The following PSMD11 variants were observed in gnomAD, a reference collection of about 807,000 sequenced individuals.
PSMD11 encodes proteasome 26S subunit, non-ATPase 11.
In PSMD11, 5 loss-of-function variants were observed where a neutral mutation model predicts 62.3. The ratio of observed to expected loss-of-function variants is 0.08; its 90% CI spans 0.04 to 0.17. The LOEUF is 0.17. Ranked by LOEUF, PSMD11 falls within the 10% of genes least tolerant of loss-of-function variation. The probability of loss-of-function intolerance (pLI) is 1.00; values close to 1 mark genes in which losing one functional copy is unlikely to be tolerated. For synonymous variants in PSMD11, 191 were observed against 191.8 expected, an observed-to-expected ratio of 1.00 and a Z score of 0.03; for missense variants, 310 against 512.9, an observed-to-expected ratio of 0.60 and a Z score of 3.82.
chr17:32,471,617 C>G (rs920735136), intron 6 of PSMD11, among the ~76,000 whole-genome samples: 2 of 152,192 alleles, frequency 1.3e-5, no homozygotes, highest in Non-Finnish European at 1.5e-5. Context: ...GGTCAACTCC[C>G]TGACCTGTGA....
chr17:32,453,819 G>GA (rs1341469166), intron 2 of PSMD11, among the ~76,000 whole-genome samples: 3 of 152,164 alleles, frequency 2.0e-5, no homozygotes, highest in African/African-American at 4.8e-5. Flanking sequence ...TATAGTGGGG[G>GA]AAAAGCTCTG....
rs1907360239 is a variant in PSMD11, at chr17:32,447,323, T to C, written c.193+277T>C. The C allele has an allele frequency of 2.7e-5, 8 of 291,554 alleles. No homozygotes were observed. The South Asian group carries it at 4.0e-4, about 15-fold the overall frequency. 18.1% of individuals were successfully genotyped at this position (291,554 alleles called of 1,614,324 possible). A position where few individuals can be genotyped will look rare whatever the true frequency, so the allele number is the denominator to read the frequency against. ...TGAATTCTCACTGTATTCCCTTACATAGAGGCAGCAACAGTCTTCAATAAT... is the reference window on the plus strand; with the variant it reads ...TGAATTCTCACTGTATTCCCTTACACAGAGGCAGCAACAGTCTTCAATAAT... On this transcript the variant is annotated intron_variant, in intron 2 of 13. Coordinates refer to ENST00000261712, the MANE Select transcript of PSMD11 (RefSeq NM_002815.4).
In PSMD11 at chr17:32,479,857, C is replaced by A. The variant is rs1484476551; in HGVS notation, c.1045C>A (p.His349Asn). 1 of 1,613,614 alleles carries A rather than the reference C, an allele frequency of 6.2e-7. No homozygotes were observed. Among genetic ancestry groups the A allele is most frequent in the Non-Finnish European group, 8.5e-7 (1 of 1,179,586 alleles). ...IEPFSRVQIE[H>N]ISSLIKLSKA... ...TCTCTGCCTTTCCTTTTAGATTGAA[C>A]ACATATCTAGTCTCATCAAACTCTC... The change falls in exon 11 of 14, where the codon CAC (histidine) becomes AAC (asparagine). Residue 349 changes from histidine (H) to asparagine (N), a missense_variant. By Grantham distance (68) the His-to-Asn change is moderately conservative (BLOSUM62 1). Transcript: ENST00000261712.
intron 3 of PSMD11, among the ~76,000 whole-genome samples, chr17:32,457,789 TTCTC>T (rs1323202883): frequency 4.0e-5 from 6 of 150,902 alleles, no homozygotes; most frequent in African/African-American, 9.8e-5. Context: ...TTTGTATTTG[TTCTC>T]TCTCTCTCTT....
At chr17:32,456,599 G>C (rs1044653522) in intron 3 of PSMD11, among the ~76,000 whole-genome samples, 2 of 152,142 alleles carry the variant, frequency 1.3e-5, no homozygotes, top group East Asian at 3.9e-4. Context: ...GCACGATCTC[G>C]GCTCACTGCA....
rs1908551638 is a variant in PSMD11 at position 32,483,028 on chromosome 17, T to G, written c.*2276T>G. 1 of 152,226 alleles carries G rather than the reference T, an allele frequency of 6.6e-6. No homozygotes were observed. The highest frequency in any genetic ancestry group is 2.1e-4 in the South Asian group (1 of 4,836). 9.4% of individuals were successfully genotyped at this position (152,226 alleles called of 1,614,324 possible). A position where few individuals can be genotyped will look rare whatever the true frequency, so the allele number is the denominator to read the frequency against. On this transcript the variant is annotated 3_prime_UTR_variant, in exon 14 of 14. Transcript: ENST00000261712. ...TGTTTTCTCAAACTTAGGGCAGTCC[T>G]GAGATGCTCAGGCAGTAGCCCTTTT... is the stretch of plus-strand genomic sequence containing the variant.
chr17:32,474,876 C>G (rs1908273243), intron 8 of PSMD11, 52 bp downstream of exon 8: 3 of 1,522,946 alleles, frequency 2.0e-6, no homozygotes, highest in Non-Finnish European at 2.7e-6. Flanking sequence ...AGCATGTTTT[C>G]AGAGTCACAA....
At chr17:32,447,347 A>G (rs1279470074) in intron 2 of PSMD11, 1 of 227,860 alleles carries the variant, frequency 4.4e-6, no homozygotes, top group East Asian at 1.1e-4. Context: ...GTCTTCAATA[A>G]TTTCACTGAG....
intron 3 of PSMD11, among the ~76,000 whole-genome samples, chr17:32,456,185 C>T (rs1907645130): frequency 1.3e-5 from 2 of 149,672 alleles, no homozygotes; most frequent in Middle Eastern, 3.4e-3. Context: ...TGATACCATT[C>T]TTTGTTTGAA....
chr17:32,465,132 A>T (rs544845460), intron 5 of PSMD11, among the ~76,000 whole-genome samples: 4 of 147,164 alleles, frequency 2.7e-5, no homozygotes, highest in East Asian at 2.0e-4. Context: ...TATTATTATT[A>T]TTTTTTGAGA....
rs1000126734 is a variant in PSMD11, at chr17:32,481,333, G to A, written c.*581G>A. ...CAGAGTAGCCGAAGGTCCTGCCGCC[G>A]CCGCCACCACCACCACCACTGCAGC... On this transcript the variant is annotated 3_prime_UTR_variant, in exon 14 of 14. Transcript: ENST00000261712. 2 of 160,724 alleles carry A rather than the reference G, an allele frequency of 1.2e-5. No homozygotes were observed. The highest frequency in any genetic ancestry group is 6.5e-5 in the Admixed American group (1 of 15,420). The allele number at this position is 160,724 out of a possible 1,614,324, so 10.0% of individuals were successfully genotyped here. A position where few individuals can be genotyped will look rare whatever the true frequency, so the allele number is the denominator to read the frequency against.
chr17:32,456,942 C>T (rs559220757), intron 3 of PSMD11, among the ~76,000 whole-genome samples: 1 of 152,330 alleles, frequency 6.6e-6, no homozygotes, highest in South Asian at 2.1e-4. Flanking sequence ...GCTGGGATTA[C>T]AGGCGTGAGC....
At position 32,480,573 on chromosome 17, in the gene PSMD11, T is replaced by C. The variant is rs778733651; in HGVS notation, c.1211T>C (p.Ile404Thr). 3.7e-6 allele frequency: 6 copies of C among 1,614,044 alleles called. No individual in the cohort carries two copies. The highest frequency in any genetic ancestry group is 5.1e-6 in the Non-Finnish European group (6 of 1,180,018). The stretch of plus-strand genomic sequence containing the variant: ...ACTTACGAAGCTGCTCTGGAAACAA[T>C]TCAGAACATGAGCAAAGTAGTGGAT... ...DKTYEAALET[I>T]QNMSKVVDSL... The change falls in exon 13 of 14, where the codon ATT (isoleucine) becomes ACT (threonine). Residue 404 changes from isoleucine (I) to threonine (T), a missense_variant. Coordinates refer to ENST00000261712, the MANE Select transcript of PSMD11 (RefSeq NM_002815.4).
intron 8 of PSMD11, chr17:32,476,544 C>G (rs1261517994): frequency 6.6e-6 from 1 of 152,178 alleles, no homozygotes; most frequent in Non-Finnish European, 1.5e-5. Context: ...AGCATGTAGG[C>G]TGATAAAAGA....
intron 8 of PSMD11, chr17:32,477,014 A>G (rs1782338635): frequency 6.6e-6 from 1 of 152,560 alleles, no homozygotes; most frequent in Non-Finnish European, 1.5e-5. Flanking sequence ...CGGCCTCCCA[A>G]AGTGGTGGGA....
chr17:32,454,761 G>C, intron 3 of PSMD11, 142 bp downstream of exon 3: 1 of 880,630 alleles, frequency 1.1e-6, no homozygotes, highest in Non-Finnish European at 1.7e-6. Flanking sequence ...GTTTCTCTTT[G>C]TTACAGGGCA....
intron 10 of PSMD11, 165 bp from the exon 11 acceptor site, chr17:32,479,686 A>C: frequency 1.2e-6 from 1 of 800,194 alleles, no homozygotes; most frequent in Non-Finnish European, 2.0e-6. Context: ...TGTAGCAGTG[A>C]AGGGCAGGCA....
intron 7 of PSMD11, 195 bp downstream of exon 7, chr17:32,474,140 C>A: frequency 1.7e-6 from 1 of 605,070 alleles, no homozygotes. Context: ...CTTTCAGAAT[C>A]AGGCAGACAT....
chr17:32,448,541 AT>A (rs879625081), intron 2 of PSMD11, among the ~76,000 whole-genome samples: 62 of 140,690 alleles, frequency 4.4e-4, no homozygotes, highest in East Asian at 4.2e-4. Flanking sequence ...CTAATTTTGT[AT>A]TTTTTTTTTT....
Sources: allele counts gnomAD v4.1 joint callset (sites outside exome capture counted in the v4.1 genomes callset), GRCh38; gene constraint gnomAD v4.1.1; transcripts MANE v1.5; gene names NCBI Gene and HGNC (gene_info 2026-07-23, HGNC 2026-07-21).